Variants in IGF2BP3 observed in about 807,000 individuals in gnomAD.
The protein encoded by IGF2BP3 is insulin-like growth factor 2 mRNA-binding protein 3.
Under a neutral mutation model 73.8 loss-of-function variants are expected in IGF2BP3, and 9 were observed. The ratio of observed to expected loss-of-function variants is 0.12; its 90% CI spans 0.07 to 0.21. The LOEUF is 0.21. IGF2BP3 is among the 10% of genes least tolerant of loss of function. The pLI is 1.00. For synonymous variants in IGF2BP3, 258 were observed against 256.7 expected (o/e 1.01, Z -0.05); for missense variants, 542 against 714.0 (o/e 0.76, Z 2.75).
intron 3 of IGF2BP3, among the ~76,000 whole-genome samples, chr7:23,399,565 C>T (rs1231380173): frequency 2.0e-5 from 3 of 152,126 alleles, no homozygotes; most frequent in Admixed American, 6.5e-5. Context: ...AGACTGATTT[C>T]AGACTCCTGG....
intron 8 of IGF2BP3, among the ~76,000 whole-genome samples, chr7:23,345,613 T>A (rs1784810552): frequency 6.6e-6 from 1 of 152,248 alleles, no homozygotes; most frequent in Admixed American, 6.5e-5. Flanking sequence ...TGTTAAGCTG[T>A]CAAATGTTGG....
rs371968900 is a variant in IGF2BP3 at position 23,424,445 on chromosome 7, C to T, written c.237-5621G>A. 3.8e-4 allele frequency among the ~76,000 whole-genome samples: 58 copies of T among 152,094 alleles called. 1 individual carries two copies. In the East Asian group the frequency reaches 8.7e-3, roughly 23 times the overall value. Reference sequence around the variant, plus strand: ...CCAGGAGGCGGACATTGCAGTGAGCCGAGATCGCACCACTGCACTCTAGCC... The same window carrying T: ...CCAGGAGGCGGACATTGCAGTGAGCTGAGATCGCACCACTGCACTCTAGCC... On this transcript the variant is annotated intron_variant, in intron 2 of 14. Transcript: ENST00000258729.
At chr7:23,396,920 G>A (rs907466425) in intron 3 of IGF2BP3, among the ~76,000 whole-genome samples, 1 of 152,138 alleles carries the variant, frequency 6.6e-6, no homozygotes, top group Non-Finnish European at 1.5e-5. Context: ...CATTGACCCT[G>A]AAAGGACTTT....
At chr7:23,419,740 C>T (rs1014931563) in intron 2 of IGF2BP3, among the ~76,000 whole-genome samples, 1 of 152,192 alleles carries the variant, frequency 6.6e-6, no homozygotes, top group African/African-American at 2.4e-5. Context: ...GTAGTCCCAG[C>T]TACTCCAGAT....
chr7:23,378,566 C>G (rs1198276403), intron 3 of IGF2BP3, among the ~76,000 whole-genome samples: 3 of 80,974 alleles, frequency 3.7e-5, no homozygotes, highest in Non-Finnish European at 2.3e-5. Context: ...CTAATTTTTG[C>G]TTGTTTTTTT....
intron 11 of IGF2BP3, 141 bp downstream of exon 11, chr7:23,318,997 T>G: frequency 3.2e-6 from 2 of 616,768 alleles, no homozygotes; most frequent in Non-Finnish European, 2.8e-6. Context: ...TGTAAGCCAC[T>G]GTTGTTTGGG....
chr7:23,355,070 A>T (rs1403016340), intron 5 of IGF2BP3, among the ~76,000 whole-genome samples: 1 of 152,166 alleles, frequency 6.6e-6, no homozygotes, highest in African/African-American at 2.4e-5. Flanking sequence ...AGGAAAAAAA[A>T]TTTTAGTATT....
rs1375707026 is a variant in IGF2BP3, at chr7:23,310,744, T to C, written c.*1618A>G. 1 of 152,214 alleles carries C rather than the reference T, an allele frequency of 6.6e-6. No individual in the cohort carries two copies. Among genetic ancestry groups the C allele is most frequent in the Non-Finnish European group, 1.5e-5 (1 of 68,040 alleles). 9.4% of individuals were successfully genotyped at this position (152,214 alleles called of 1,614,324 possible). A position where few individuals can be genotyped will look rare whatever the true frequency, so the allele number is the denominator to read the frequency against. On this transcript the variant is annotated 3_prime_UTR_variant, in exon 15 of 15. Coordinates refer to ENST00000258729, the MANE Select transcript of IGF2BP3 (RefSeq NM_006547.3). ...TGTCTAATTGATCTTCAGAAAAACA[T>C]CTAGTCTGTATAGAAATTCATCTTG... is the stretch of plus-strand genomic sequence containing the variant.
intron 10 of IGF2BP3, among the ~76,000 whole-genome samples, chr7:23,341,563 A>G (rs1162124212): frequency 2.6e-5 from 4 of 152,090 alleles, no homozygotes; most frequent in African/African-American, 9.7e-5. Flanking sequence ...CCAGTTACTC[A>G]GGAGGCTGAG....
chr7:23,425,486 T>C (rs111671846), intron 2 of IGF2BP3, among the ~76,000 whole-genome samples: 59 of 152,178 alleles, frequency 3.9e-4, no homozygotes, highest in African/African-American at 1.4e-3. Flanking sequence ...ACTCAAGTGA[T>C]CCTACCATCA....
At chr7:23,406,163 G>GA (rs1786823670) in intron 3 of IGF2BP3, among the ~76,000 whole-genome samples, 1 of 152,088 alleles carries the variant, frequency 6.6e-6, no homozygotes, top group Non-Finnish European at 1.5e-5. Context: ...CTGATGGAGG[G>GA]AAGAAGCTAT....
chr7:23,386,250 G>A (rs1583973014), intron 3 of IGF2BP3, among the ~76,000 whole-genome samples: 2 of 152,266 alleles, frequency 1.3e-5, no homozygotes, highest in East Asian at 1.9e-4. Flanking sequence ...TCTAATCCCA[G>A]CCCTTTGGGA....
At chr7:23,447,788 G>A (rs1788100941) in intron 2 of IGF2BP3, among the ~76,000 whole-genome samples, 2 of 151,892 alleles carry the variant, frequency 1.3e-5, no homozygotes, top group African/African-American at 4.8e-5. Flanking sequence ...AGACCAGCCT[G>A]GGCAAAACAG....
At chr7:23,394,684 GTC>G in intron 3 of IGF2BP3, 1 of 152,306 alleles carries the variant, frequency 6.6e-6, no homozygotes, top group South Asian at 2.1e-4. Flanking sequence ...CTACAAAGCT[GTC>G]TCTGGTAGCC....
At chr7:23,392,982 T>C (rs1829038055) in intron 3 of IGF2BP3, among the ~76,000 whole-genome samples, 1 of 152,192 alleles carries the variant, frequency 6.6e-6, no homozygotes, top group South Asian at 2.1e-4. Flanking sequence ...CCAATTGCTA[T>C]AAGGTGGCCA....
At chr7:23,433,812 T>C (rs1014812163) in intron 2 of IGF2BP3, among the ~76,000 whole-genome samples, 1 of 152,220 alleles carries the variant, frequency 6.6e-6, no homozygotes, top group Admixed American at 6.5e-5. Context: ...CAGTGGCTTA[T>C]GCCTATAAAC....
At position 23,448,421 on chromosome 7, in the gene IGF2BP3, C is replaced by T. The variant is rs550341816; in HGVS notation, c.236+20061G>A. The stretch of plus-strand genomic sequence containing the variant: ...CTAAACACTTATCTTTTCAAAAATA[C>T]ATTTTAGAGACAGGATCTCACTCTG... On this transcript the variant is annotated intron_variant, in intron 2 of 14. Coordinates refer to ENST00000258729, the MANE Select transcript of IGF2BP3 (RefSeq NM_006547.3). 3.3e-5 allele frequency among the ~76,000 whole-genome samples: 5 copies of T among 152,178 alleles called. No individual in the cohort carries two copies. The East Asian group carries it at 9.7e-4, about 29-fold the overall frequency.
intron 3 of IGF2BP3, among the ~76,000 whole-genome samples, chr7:23,384,664 G>A (rs960639032): frequency 9.2e-5 from 14 of 152,106 alleles, no homozygotes; most frequent in Non-Finnish European, 2.1e-4. Flanking sequence ...GCAGAGGCAG[G>A]CAGGTTACTT....
chr7:23,407,191 A>G (rs544520529), intron 3 of IGF2BP3, among the ~76,000 whole-genome samples: 1 of 151,442 alleles, frequency 6.6e-6, no homozygotes, highest in East Asian at 1.9e-4. Context: ...TAAAAAAAAA[A>G]AAAAAGAAAA....
Sources: gnomAD v4.1 joint callset for allele counts (sites outside exome capture counted in the v4.1 genomes callset) on GRCh38, gnomAD v4.1.1 for gene constraint, MANE v1.5 for transcripts, NCBI Gene and HGNC (gene_info 2026-07-23, HGNC 2026-07-21) for gene names.